Variants in XKR6 observed in about 807,000 individuals in gnomAD.
The protein encoded by XKR6 is XK-related protein 6.
XKR6 carries 22 observed loss-of-function variants against 56.7 expected under a neutral mutation model. The observed-to-expected ratio is 0.39, with a 90% CI of 0.28 to 0.55. XKR6 has a LOEUF of 0.55. XKR6 is among the 20% of genes least tolerant of loss of function. The pLI is 0.66. For missense variants in XKR6, 852 were observed against 889.0 expected (o/e 0.96, Z 0.53); for synonymous variants, 524 against 387.8 (o/e 1.35, Z -4.13).
chr8:11,060,512 C>A (rs527720186), intron 1 of XKR6, among the ~76,000 whole-genome samples: 12 of 152,356 alleles, frequency 7.9e-5, no homozygotes, highest in Admixed American at 3.3e-4. Flanking sequence ...CTGACCTGAT[C>A]CTCGGATGCC....
At chr8:11,119,741 A>G (rs952272349) in intron 1 of XKR6, among the ~76,000 whole-genome samples, 4 of 152,082 alleles carry the variant, frequency 2.6e-5, no homozygotes, top group Non-Finnish European at 4.4e-5. Flanking sequence ...ACATACTGAG[A>G]ATTTTAGACC....
At chr8:11,198,816 A>T (rs1172854142) in intron 1 of XKR6, among the ~76,000 whole-genome samples, 1 of 152,078 alleles carries the variant, frequency 6.6e-6, no homozygotes, top group Non-Finnish European at 1.5e-5. Context: ...CATGCTGCTG[A>T]ATTCTACTGG....
intron 1 of XKR6, among the ~76,000 whole-genome samples, chr8:11,073,699 G>A (rs1230733595): frequency 3.3e-5 from 5 of 152,232 alleles, no homozygotes; most frequent in East Asian, 1.9e-4. Flanking sequence ...TGCACTGCAC[G>A]TAGTTCAATC....
intron 1 of XKR6, among the ~76,000 whole-genome samples, chr8:11,180,002 G>A (rs1456740748): frequency 2.0e-5 from 3 of 152,028 alleles, no homozygotes; most frequent in Non-Finnish European, 2.9e-5. Context: ...AGCTGGGCAT[G>A]GTGGCACAAA....
Position 11,192,785 on chromosome 8 carries a change from C to T in XKR6, c.764+7791G>A, listed in dbSNP as rs117548153. Among the ~76,000 whole-genome samples, 114 of 152,216 alleles carry T rather than the reference C, an allele frequency of 7.5e-4. 1 individual carries two copies. The highest frequency in any genetic ancestry group is 7.5e-3 in the South Asian group (36 of 4,812). ...GGAGTCTGTAGTAAGGCCTGGAATC[C>T]GCATGTTAATGGCCCCGTGGGCTCT... On this transcript the variant is annotated intron_variant, in intron 1 of 2. Coordinates refer to ENST00000416569, the MANE Select transcript of XKR6 (RefSeq NM_173683.4).
At position 11,201,317 on chromosome 8, in the gene XKR6, CCGCCAT is replaced by C; in HGVS notation, c.17_22del (p.Asp6_Gly7del). Reference sequence around the variant, plus strand: ...CTGAGCGAAGCCCACCCCCACGCCACCGCCATCGGATTTCGCCGCCATCTTGACTCT... The same window carrying C: ...CTGAGCGAAGCCCACCCCCACGCCACCGGATTTCGCCGCCATCTTGACTCT... On this transcript the variant is annotated inframe_deletion, in exon 1 of 3. Transcript: ENST00000416569. The C allele has an allele frequency of 6.3e-7, 1 of 1,575,170 alleles. No individual in the cohort carries two copies. Among genetic ancestry groups the C allele is most frequent in the Non-Finnish European group, 8.5e-7 (1 of 1,170,910 alleles).
chr8:10,955,692 G>T (rs1314153060), intron 1 of XKR6, among the ~76,000 whole-genome samples: 1 of 152,176 alleles, frequency 6.6e-6, no homozygotes, highest in Non-Finnish European at 1.5e-5. Context: ...TGTTTTCCCT[G>T]CCAGACACCC....
chr8:11,057,491 G>A (rs1055340573), intron 1 of XKR6, among the ~76,000 whole-genome samples: 1 of 152,232 alleles, frequency 6.6e-6, no homozygotes, highest in Non-Finnish European at 1.5e-5. Context: ...CCCTTGTCAA[G>A]TGCATCGTCG....
At chr8:11,150,681 C>A (rs923524302) in intron 1 of XKR6, among the ~76,000 whole-genome samples, 13 of 151,762 alleles carry the variant, frequency 8.6e-5, no homozygotes, top group Admixed American at 6.6e-4. Context: ...GGTGAAACCC[C>A]GTCTCTACTA....
intron 1 of XKR6, among the ~76,000 whole-genome samples, chr8:11,150,177 G>A (rs57452073): frequency 0.047 from 7,221 of 152,040 alleles, 602 homozygotes; most frequent in African/African-American, 0.16. Context: ...CAGAGTGGAG[G>A]GACTATAGTT....
intron 1 of XKR6, among the ~76,000 whole-genome samples, chr8:11,001,067 G>A (rs1482391310): frequency 6.6e-6 from 1 of 152,196 alleles, no homozygotes; most frequent in Non-Finnish European, 1.5e-5. Context: ...CGAAAATGCA[G>A]AACAATTGCT....
chr8:10,919,127 C>A (rs1192689019), intron 2 of XKR6, among the ~76,000 whole-genome samples: 1 of 152,202 alleles, frequency 6.6e-6, no homozygotes, highest in Non-Finnish European at 1.5e-5. Context: ...TCCTCTCTCA[C>A]CCCAACTGCC....
At chr8:11,115,483 G>T (rs1030531078) in intron 1 of XKR6, among the ~76,000 whole-genome samples, 1 of 152,136 alleles carries the variant, frequency 6.6e-6, no homozygotes, top group Admixed American at 6.5e-5. Flanking sequence ...ATATGTTACA[G>T]AATGTTTTAC....
At chr8:10,991,748 A>G (rs11250106) in intron 1 of XKR6, among the ~76,000 whole-genome samples, 2,953 of 152,268 alleles carry the variant, frequency 0.019, 69 homozygotes, top group African/African-American at 0.053. Flanking sequence ...AATTCCTTCA[A>G]TGTTTTTCTC....
chr8:11,034,363 G>T (rs1005892631), intron 1 of XKR6, among the ~76,000 whole-genome samples: 1 of 152,196 alleles, frequency 6.6e-6, no homozygotes, highest in African/African-American at 2.4e-5. Context: ...CACAGGCCGA[G>T]AGAGCATCAT....
intron 2 of XKR6, among the ~76,000 whole-genome samples, chr8:10,919,442 T>A (rs1231450109): frequency 6.6e-6 from 1 of 152,214 alleles, no homozygotes; most frequent in African/African-American, 2.4e-5. Flanking sequence ...CATGACAGCA[T>A]GGATTATGCC....
intron 1 of XKR6, among the ~76,000 whole-genome samples, chr8:11,075,388 G>T (rs572995774): frequency 2.0e-5 from 3 of 152,306 alleles, no homozygotes; most frequent in Non-Finnish European, 4.4e-5. Context: ...AGGGGTTGAG[G>T]AAACTGTTCC....
At chr8:11,111,136 G>T (rs946619475) in intron 1 of XKR6, among the ~76,000 whole-genome samples, 1 of 151,628 alleles carries the variant, frequency 6.6e-6, no homozygotes, top group East Asian at 2.0e-4. Flanking sequence ...TTACAGGCGT[G>T]AGCCACTGCG....
chr8:11,100,474 T>C (rs1404193000), intron 1 of XKR6, among the ~76,000 whole-genome samples: 1 of 152,216 alleles, frequency 6.6e-6, no homozygotes, highest in Non-Finnish European at 1.5e-5. Context: ...TACGCAATGA[T>C]TTAGTCTACA....
Sources: gnomAD v4.1 joint callset for allele counts (sites outside exome capture counted in the v4.1 genomes callset) on GRCh38, gnomAD v4.1.1 for gene constraint, MANE v1.5 for transcripts, NCBI Gene and HGNC (gene_info 2026-07-23, HGNC 2026-07-21) for gene names.